HIPK2: variants seen among roughly 807,000 people sequenced by gnomAD.
The protein encoded by HIPK2 is homeodomain-interacting protein kinase 2.
A neutral mutation model predicts 113.7 loss-of-function variants in HIPK2; 27 were observed. The ratio of observed to expected loss-of-function variants is 0.24; its 90% CI spans 0.17 to 0.33. The LOEUF (loss-of-function observed/expected upper bound fraction) is 0.33. HIPK2 is among the 10% of genes least tolerant of loss of function. The pLI, the probability that HIPK2 is intolerant of heterozygous loss-of-function variation, is 1.00. For synonymous variants in HIPK2, 631 were observed against 642.2 expected, an observed-to-expected ratio of 0.98 and a Z score of 0.26; for missense variants, 1,257 against 1,588.0, an observed-to-expected ratio of 0.79 and a Z score of 3.54.
intron 2 of HIPK2, among the ~76,000 whole-genome samples, chr7:139,699,588 A>C (rs1794652180): frequency 6.6e-6 from 1 of 152,328 alleles, no homozygotes; most frequent in East Asian, 1.9e-4. Context: ...ATCAGGAGGC[A>C]AGGCTGGGCC....
chr7:139,625,378 T>A (rs371336425), intron 6 of HIPK2, among the ~76,000 whole-genome samples: 1 of 116,866 alleles, frequency 8.6e-6, no homozygotes, highest in Non-Finnish European at 1.9e-5. Flanking sequence ...CCAGACTCAT[T>A]TGACTTGTGT....
rs955917941 is a variant in HIPK2 at position 139,598,733 on chromosome 7, T to C, written c.2435+1684A>G. ...GCTAAACAGGTTGGGAGGCTAAGGG[T>C]TCTTACTGCCCCTACTCAGCCAAGG... On this transcript the variant is annotated intron_variant, in intron 11 of 14. Coordinates refer to ENST00000406875, the MANE Select transcript of HIPK2 (RefSeq NM_022740.5). 7.2e-5 allele frequency among the ~76,000 whole-genome samples: 11 copies of C among 152,046 alleles called. 1 individual carries two copies. Among genetic ancestry groups the C allele is most frequent in the Non-Finnish European group, 1.5e-4 (10 of 67,980 alleles).
intron 2 of HIPK2, among the ~76,000 whole-genome samples, chr7:139,703,557 C>T (rs1210287951): frequency 6.6e-6 from 1 of 151,940 alleles, no homozygotes; most frequent in Non-Finnish European, 1.5e-5. Context: ...AAGGCTGTGA[C>T]TGGGGATGAC....
intron 5 of HIPK2, 122 bp from the exon 6 acceptor site, chr7:139,626,907 AG>A: frequency 9.0e-7 from 1 of 1,108,840 alleles, no homozygotes; most frequent in Non-Finnish European, 1.3e-6. Flanking sequence ...CTCAGTTCCC[AG>A]GAACTCTGCC....
chr7:139,612,388 T>C (rs944074494), intron 9 of HIPK2, among the ~76,000 whole-genome samples: 1 of 152,144 alleles, frequency 6.6e-6, no homozygotes, highest in Non-Finnish European at 1.5e-5. Flanking sequence ...AGAAGTAGTA[T>C]AGCTTGGTGG....
intron 5 of HIPK2, 56 bp downstream of exon 5, chr7:139,628,897 T>A: frequency 6.9e-7 from 1 of 1,439,810 alleles, no homozygotes; most frequent in Non-Finnish European, 9.6e-7. Flanking sequence ...ATTGCAGAAG[T>A]CTTGCTGCCC....
At chr7:139,663,113 G>C (rs75103599) in intron 2 of HIPK2, among the ~76,000 whole-genome samples, 2 of 152,082 alleles carry the variant, frequency 1.3e-5, no homozygotes. Flanking sequence ...ACTTCCCTCA[G>C]CCCAGGAACT....
intron 11 of HIPK2, among the ~76,000 whole-genome samples, chr7:139,599,385 A>G (rs992918688): frequency 2.0e-5 from 3 of 152,198 alleles, no homozygotes; most frequent in African/African-American, 7.2e-5. Flanking sequence ...GATTCTTCGC[A>G]GTCAATCTCC....
chr7:139,732,839 G>GTA lies in HIPK2; in HGVS notation c.20-15825_20-15824insTA, dbSNP rs1222825575. Among the ~76,000 whole-genome samples the GTA allele has an allele frequency of 5.4e-5, 8 of 148,984 alleles. No individual in the cohort carries two copies. The East Asian group carries it at 1.6e-3, about 29-fold the overall frequency. ...TATATATGTGTGTGTGTGTGTGTGT[G>GTA]TGTGTATAAAATAGTGAGTCCCTGA... On this transcript the variant is annotated intron_variant, in intron 1 of 14. Transcript: ENST00000406875.
At chr7:139,594,069 T>C (rs1045704924) in intron 12 of HIPK2, among the ~76,000 whole-genome samples, 2 of 152,146 alleles carry the variant, frequency 1.3e-5, no homozygotes, top group African/African-American at 4.8e-5. Flanking sequence ...GTCTTGATCC[T>C]GTTCGCTTGC....
At chr7:139,638,504 C>T (rs1046298943) in intron 2 of HIPK2, among the ~76,000 whole-genome samples, 1 of 152,174 alleles carries the variant, frequency 6.6e-6, no homozygotes, top group Non-Finnish European at 1.5e-5. Flanking sequence ...AGAATTTCCT[C>T]ATCGCTATTT....
intron 1 of HIPK2, among the ~76,000 whole-genome samples, chr7:139,768,673 T>C (rs4726525): frequency 0.36 from 54,983 of 152,056 alleles, 13,936 homozygotes; most frequent in African/African-American, 0.72. Flanking sequence ...GGGCTCAGTG[T>C]AGCACTGTGG....
chr7:139,660,650 C>T (rs1026767453), intron 2 of HIPK2, among the ~76,000 whole-genome samples: 3 of 152,196 alleles, frequency 2.0e-5, no homozygotes, highest in African/African-American at 7.2e-5. Flanking sequence ...CCAGGTGTTT[C>T]CAAATCCTAT....
intron 1 of HIPK2, among the ~76,000 whole-genome samples, chr7:139,749,650 G>A (rs889575895): frequency 6.6e-6 from 1 of 152,300 alleles, no homozygotes; most frequent in South Asian, 2.1e-4. Context: ...TATTATCCTC[G>A]TTTGCTGGGA....
At chr7:139,634,293 C>T (rs1195872349) in intron 2 of HIPK2, among the ~76,000 whole-genome samples, 6 of 152,042 alleles carry the variant, frequency 3.9e-5, no homozygotes, top group African/African-American at 1.2e-4. Flanking sequence ...CCATCGCCTG[C>T]TGCTGGGCGT....
intron 1 of HIPK2, among the ~76,000 whole-genome samples, chr7:139,740,626 A>G (rs1335613819): frequency 6.6e-6 from 1 of 152,222 alleles, no homozygotes; most frequent in Non-Finnish European, 1.5e-5. Context: ...TAGACAAGGA[A>G]GATATCAAAA....
intron 2 of HIPK2, among the ~76,000 whole-genome samples, chr7:139,693,286 A>C (rs1184031837): frequency 2.6e-5 from 4 of 152,248 alleles, no homozygotes; most frequent in Non-Finnish European, 5.9e-5. Context: ...CTAGAGTTAG[A>C]ATTTTAACTC....
rs557772221 is a variant in HIPK2 at position 139,761,278 on chromosome 7, T to G, written c.19+16327A>C. Among the ~76,000 whole-genome samples, 126 of 152,328 alleles carry G rather than the reference T, an allele frequency of 8.3e-4. 1 individual carries two copies. Among genetic ancestry groups the G allele is most frequent in the African/African-American group, 2.8e-3 (116 of 41,574 alleles). On this transcript the variant is annotated intron_variant, in intron 1 of 14. Coordinates refer to ENST00000406875, the MANE Select transcript of HIPK2 (RefSeq NM_022740.5). The stretch of plus-strand genomic sequence containing the variant: ...AAGGAAGGTATGGTTCAGGCAAGAA[T>G]GACCACTGGGTACAAAACCATTAAG...
At chr7:139,581,356 C>T (rs1798663130) in intron 13 of HIPK2, among the ~76,000 whole-genome samples, 1 of 152,166 alleles carries the variant, frequency 6.6e-6, no homozygotes, top group Non-Finnish European at 1.5e-5. Context: ...GCATCTGGCC[C>T]CCAGGGCTCA....
Sources: gnomAD v4.1 joint callset for allele counts (sites outside exome capture counted in the v4.1 genomes callset) on GRCh38, gnomAD v4.1.1 for gene constraint, MANE v1.5 for transcripts, NCBI Gene and HGNC (gene_info 2026-07-23, HGNC 2026-07-21) for gene names.